Variants in PLCG2 observed in about 807,000 individuals in gnomAD.
PLCG2 encodes the protein phospholipase C gamma 2, also known as 1-phosphatidylinositol 4,5-bisphosphate phosphodiesterase gamma-2.
Under a neutral mutation model 175.6 loss-of-function variants are expected in PLCG2, and 69 were observed. The observed-to-expected ratio is 0.39, with a 90% CI of 0.32 to 0.48. PLCG2 has a LOEUF of 0.48. PLCG2 is among the 20% of genes least tolerant of loss of function. PLCG2 has a pLI of 0.91. For missense variants in PLCG2, 1,798 were observed against 1,650.9 expected (o/e 1.09, Z -1.54); for synonymous variants, 827 against 624.0 (o/e 1.33, Z -4.85).
chr16:81,845,836 G>C (rs1049118628), intron 2 of PLCG2, among the ~76,000 whole-genome samples: 12 of 152,192 alleles, frequency 7.9e-5, no homozygotes, highest in Non-Finnish European at 1.5e-5. Context: ...GAAAACCCTG[G>C]AGAGAGCTGC....
chr16:81,781,050 C>CAA (rs780123325), intron 1 of PLCG2, among the ~76,000 whole-genome samples: 4 of 151,706 alleles, frequency 2.6e-5, no homozygotes, highest in East Asian at 3.9e-4. Context: ...AACAAACAAA[C>CAA]ACACACAAAC....
rs532052240 is a variant in PLCG2 at position 81,931,860 on chromosome 16, G to A, written c.2739+206G>A. 2.0e-5 allele frequency among the ~76,000 whole-genome samples: 3 copies of A among 152,304 alleles called. No homozygotes were observed. In the East Asian group the frequency reaches 5.8e-4, roughly 29 times the overall value. ...TAGTGGAGGTGCCCTGGGAAGGTGG[G>A]TCTGGTTGTCTGGTTCGAACCTTCA... On this transcript the variant is annotated intron_variant, in intron 25 of 32. Transcript: ENST00000564138.
chr16:81,858,384 G>T (rs201274263), intron 4 of PLCG2, 28 bp downstream of exon 4: 16 of 1,479,072 alleles, frequency 1.1e-5, no homozygotes, highest in Non-Finnish European at 1.5e-5. Flanking sequence ...GTTGATTTGC[G>T]TAGTTGCTGA....
intron 25 of PLCG2, among the ~76,000 whole-genome samples, chr16:81,933,798 T>C (rs1250478967): frequency 6.6e-6 from 1 of 152,190 alleles, no homozygotes; most frequent in African/African-American, 2.4e-5. Context: ...TGATAGAATT[T>C]GGGGAGGCCC....
At chr16:81,769,879 G>A (rs890664896) in intron 2 of PLCG2, among the ~76,000 whole-genome samples, 3 of 147,192 alleles carry the variant, frequency 2.0e-5, no homozygotes, top group Admixed American at 6.8e-5. Context: ...TTCTAGTTCT[G>A]CCACCACTGG....
Position 81,889,364 on chromosome 16 carries a change from G to T in PLCG2, c.867+91G>T. ...TTTATTTTCTGTTTGTCTTTCCTTG[G>T]AGAACTTTGCTGTATGATGTTGCCT... On this transcript the variant is annotated intron_variant, in intron 10 of 32. Coordinates refer to ENST00000564138, the MANE Select transcript of PLCG2 (RefSeq NM_002661.5). The T allele has an allele frequency of 4.0e-6, 3 of 744,206 alleles. No homozygotes were observed. The South Asian group carries it at 4.7e-5, about 12-fold the overall frequency. 46.1% of individuals were successfully genotyped at this position (744,206 alleles called of 1,614,324 possible). A position where few individuals can be genotyped will look rare whatever the true frequency, so the allele number is the denominator to read the frequency against.
At chr16:81,763,897 T>G (rs372175075) in intron 2 of PLCG2, among the ~76,000 whole-genome samples, 5 of 151,296 alleles carry the variant, frequency 3.3e-5, no homozygotes, top group African/African-American at 1.2e-4. Flanking sequence ...AACCCAGGAG[T>G]CGGAGGTTTC....
chr16:81,763,357 G>C (rs1342610361), intron 2 of PLCG2, among the ~76,000 whole-genome samples: 2 of 152,238 alleles, frequency 1.3e-5, no homozygotes, highest in African/African-American at 4.8e-5. Context: ...CATGGTTTCT[G>C]TGGGTCGGGT....
intron 19 of PLCG2, among the ~76,000 whole-genome samples, chr16:81,913,906 C>G (rs1010587663): frequency 6.6e-6 from 1 of 152,138 alleles, no homozygotes; most frequent in Non-Finnish European, 1.5e-5. Flanking sequence ...GTCATTATCA[C>G]TATAGTTTAC....
In PLCG2 at chr16:81,908,292, C is replaced by T. The variant is rs1909465993; in HGVS notation, c.1558-124C>T. On this transcript the variant is annotated intron_variant, in intron 16 of 32. Coordinates refer to ENST00000564138, the MANE Select transcript of PLCG2 (RefSeq NM_002661.5). ...TTCCCATACCCCTTCGGGTGGGGAC[C>T]AGCTGAGGCTGGCCTCTCTATGTTA... 3.6e-6 allele frequency: 3 copies of T among 827,866 alleles called. 1 individual carries two copies. Among genetic ancestry groups the T allele is most frequent in the East Asian group, 5.2e-5 (2 of 38,570 alleles). The allele number at this position is 827,866 out of a possible 1,614,324, so 51.3% of individuals were successfully genotyped here.
chr16:81,831,019 A>G (rs1173026543), intron 2 of PLCG2, among the ~76,000 whole-genome samples: 1 of 152,000 alleles, frequency 6.6e-6, no homozygotes, highest in East Asian at 1.9e-4. Flanking sequence ...GGGCCTTTGC[A>G]TTTACTATTT....
intron 1 of PLCG2, among the ~76,000 whole-genome samples, chr16:81,782,245 A>C (rs62047669): frequency 6.6e-6 from 1 of 151,856 alleles, no homozygotes; most frequent in Non-Finnish European, 1.5e-5. Context: ...TACAAGAAAA[A>C]CCTTTAGAAG....
chr16:81,789,111 G>A (rs1370527866), intron 2 of PLCG2, among the ~76,000 whole-genome samples: 1 of 151,332 alleles, frequency 6.6e-6, no homozygotes, highest in East Asian at 1.9e-4. Flanking sequence ...CATGTATCCC[G>A]GAACTTAAAG....
intron 22 of PLCG2, among the ~76,000 whole-genome samples, chr16:81,926,718 T>C (rs575909626): frequency 1.1e-4 from 17 of 152,314 alleles, no homozygotes; most frequent in African/African-American, 4.1e-4. Flanking sequence ...TTCCAGCCTG[T>C]CTGCCTCCAG....
intron 2 of PLCG2, among the ~76,000 whole-genome samples, chr16:81,834,783 C>T (rs891409999): frequency 6.6e-6 from 1 of 152,214 alleles, no homozygotes; most frequent in African/African-American, 2.4e-5. Flanking sequence ...TCTCCTTTAA[C>T]AAAACCTCCT....
chr16:81,928,437 GA>G, intron 23 of PLCG2, 120 bp from the exon 24 acceptor site: 1 of 697,570 alleles, frequency 1.4e-6, no homozygotes, highest in South Asian at 1.6e-5. Flanking sequence ...ATCTGGTAAT[GA>G]AAATGCATTT....
intron 2 of PLCG2, among the ~76,000 whole-genome samples, chr16:81,852,985 A>G (rs550101495): frequency 7.1e-4 from 108 of 152,244 alleles, no homozygotes; most frequent in African/African-American, 2.5e-3. Flanking sequence ...CTTCTTACAC[A>G]GAGGCTGGCT....
chr16:81,761,050 C>G (rs1910031520), intron 2 of PLCG2, among the ~76,000 whole-genome samples: 1 of 152,156 alleles, frequency 6.6e-6, no homozygotes, highest in African/African-American at 2.4e-5. Flanking sequence ...GTGCGCACCA[C>G]CACACTTGGC....
chr16:81,914,954 C>T (rs1265053800), intron 19 of PLCG2, among the ~76,000 whole-genome samples: 1 of 152,154 alleles, frequency 6.6e-6, no homozygotes, highest in African/African-American at 2.4e-5. Context: ...GGTCTCTACC[C>T]ACTGCATGTC....
Sources: allele counts gnomAD v4.1 joint callset (sites outside exome capture counted in the v4.1 genomes callset), GRCh38; gene constraint gnomAD v4.1.1; transcripts MANE v1.5; gene names NCBI Gene and HGNC (gene_info 2026-07-23, HGNC 2026-07-21).